The following DKK2 variants were observed in gnomAD, a reference collection of about 807,000 sequenced individuals.
DKK2 encodes the protein dickkopf-related protein 2.
In DKK2, 11 loss-of-function variants were observed where a neutral mutation model predicts 28.1. That is an observed-to-expected ratio of 0.39 (90% confidence interval 0.25 to 0.65). The LOEUF is 0.65. DKK2 is among the 30% of genes least tolerant of loss of function. The pLI, the probability that DKK2 is intolerant of heterozygous loss-of-function variation, is 0.47. For synonymous variants in DKK2, 135 were observed against 126.5 expected (o/e 1.07, Z -0.45); for missense variants, 326 against 335.5 (o/e 0.97, Z 0.22).
At chr4:106,983,337 GAAGA>G (rs1553923094) in intron 1 of DKK2, among the ~76,000 whole-genome samples, 2,038 of 120,478 alleles carry the variant, frequency 0.017, 22 homozygotes, top group South Asian at 0.027. Flanking sequence ...AGGAAGAAAG[GAAGA>G]AAGAAAGAAA....
chr4:107,015,801 A>T (rs888973561), intron 1 of DKK2, among the ~76,000 whole-genome samples: 1 of 151,776 alleles, frequency 6.6e-6, no homozygotes, highest in Non-Finnish European at 1.5e-5. Flanking sequence ...CTCTCTTAAT[A>T]CATGAATACT....
intron 1 of DKK2, among the ~76,000 whole-genome samples, chr4:107,031,778 A>G (rs1235674373): frequency 6.6e-6 from 1 of 152,018 alleles, no homozygotes; most frequent in Non-Finnish European, 1.5e-5. Flanking sequence ...CACAAATCCA[A>G]AGGTTTTTCA....
In DKK2 at chr4:106,969,622, T is replaced by C. The variant is rs951961408; in HGVS notation, c.223-43673A>G. On this transcript the variant is annotated intron_variant, in intron 1 of 3. Transcript: ENST00000285311. The stretch of plus-strand genomic sequence containing the variant: ...CTAATTTTTTTTTTGGTCCCTGGCC[T>C]GTAAACTTTGAAAGCTTTTGATATT... Among the ~76,000 whole-genome samples, 6 of 152,064 alleles carry C rather than the reference T, an allele frequency of 3.9e-5. No individual in the cohort carries two copies. In the East Asian group the frequency reaches 1.2e-3, roughly 29 times the overall value.
At chr4:107,033,147 T>C (rs1030953879) in intron 1 of DKK2, among the ~76,000 whole-genome samples, 1 of 152,240 alleles carries the variant, frequency 6.6e-6, no homozygotes, top group African/African-American at 2.4e-5. Flanking sequence ...CCTCCTGCTA[T>C]TCAACCCAGT....
At chr4:107,009,995 C>T (rs1209410648) in intron 1 of DKK2, among the ~76,000 whole-genome samples, 1 of 151,610 alleles carries the variant, frequency 6.6e-6, no homozygotes, top group Non-Finnish European at 1.5e-5. Flanking sequence ...ATTTATTTTC[C>T]TCTAGGGATC....
chr4:106,957,750 T>A (rs1578357131), intron 1 of DKK2, among the ~76,000 whole-genome samples: 1 of 89,976 alleles, frequency 1.1e-5, no homozygotes, highest in Non-Finnish European at 2.1e-5. Flanking sequence ...CTGGGGACTG[T>A]TGTGGGGTGG....
At chr4:106,948,324 A>C (rs1364896124) in intron 1 of DKK2, among the ~76,000 whole-genome samples, 1 of 152,074 alleles carries the variant, frequency 6.6e-6, no homozygotes, top group East Asian at 1.9e-4. Flanking sequence ...GGGGCCTGAA[A>C]ATCTATGTTT....
chr4:106,992,540 G>T (rs1298091762), intron 1 of DKK2, among the ~76,000 whole-genome samples: 1 of 152,164 alleles, frequency 6.6e-6, no homozygotes, highest in Non-Finnish European at 1.5e-5. Context: ...GATAGGGATT[G>T]TATATGAAAA....
intron 1 of DKK2, among the ~76,000 whole-genome samples, chr4:106,930,855 G>C (rs1724492548): frequency 6.6e-6 from 1 of 152,108 alleles, no homozygotes; most frequent in Non-Finnish European, 1.5e-5. Context: ...ATATATCTGG[G>C]GTCTCTGAGA....
chr4:106,952,552 ATGATAAGTTATAT>A (rs1300057373), intron 1 of DKK2, among the ~76,000 whole-genome samples: 2 of 152,120 alleles, frequency 1.3e-5, no homozygotes, highest in African/African-American at 4.8e-5. Flanking sequence ...CTCCTTCAAA[ATGATAAGTTATAT>A]TGATGCCAAA....
In DKK2 at chr4:107,019,492, G is replaced by A. The variant is rs191862429; in HGVS notation, c.222+15878C>T. ...TAAGTGAGGCAACATAAAATTCCTG[G>A]TATAAAGTAAGTGCTCCACAAATGT... On this transcript the variant is annotated intron_variant, in intron 1 of 3. Coordinates refer to ENST00000285311, the MANE Select transcript of DKK2 (RefSeq NM_014421.3). 1.5e-3 allele frequency among the ~76,000 whole-genome samples: 232 copies of A among 152,018 alleles called. 1 individual carries two copies. The highest frequency in any genetic ancestry group is 3.6e-3 in the Admixed American group (55 of 15,246).
chr4:106,973,853 T>A (rs1722904146), intron 1 of DKK2, among the ~76,000 whole-genome samples: 1 of 152,070 alleles, frequency 6.6e-6, no homozygotes, highest in Non-Finnish European at 1.5e-5. Flanking sequence ...TCCTCTAAGG[T>A]TTTTTATTGT....
intron 1 of DKK2, among the ~76,000 whole-genome samples, chr4:106,957,816 A>C (rs1031048197): frequency 3.4e-5 from 5 of 147,126 alleles, no homozygotes; most frequent in East Asian, 2.1e-4. Flanking sequence ...TGACGAGTTA[A>C]TGGGTGCAGC....
rs372138756 is a variant in DKK2, at chr4:107,021,112, A to G, written c.222+14258T>C. 5.9e-5 allele frequency among the ~76,000 whole-genome samples: 9 copies of G among 152,250 alleles called. 1 individual carries two copies. Among genetic ancestry groups the G allele is most frequent in the Admixed American group, 5.9e-4 (9 of 15,286 alleles). On this transcript the variant is annotated intron_variant, in intron 1 of 3. Transcript: ENST00000285311. ...CCACCTTAAAGCAATTGACATGGAA[A>G]GGTTTACAATTATAATCACAATGCT...
At chr4:106,971,913 TC>T (rs1479368421) in intron 1 of DKK2, among the ~76,000 whole-genome samples, 1 of 152,062 alleles carries the variant, frequency 6.6e-6, no homozygotes, top group Non-Finnish European at 1.5e-5. Context: ...CTAGTTGGCA[TC>T]CTCATTATTT....
intron 1 of DKK2, among the ~76,000 whole-genome samples, chr4:106,949,935 A>G (rs1214953172): frequency 6.6e-6 from 1 of 152,174 alleles, no homozygotes; most frequent in South Asian, 2.1e-4. Flanking sequence ...TAAAAAAATT[A>G]TAATAATAAT....
intron 1 of DKK2, among the ~76,000 whole-genome samples, chr4:107,002,171 T>A (rs766783700): frequency 1.3e-5 from 2 of 152,238 alleles, no homozygotes; most frequent in Non-Finnish European, 2.9e-5. Flanking sequence ...AAAAATAATC[T>A]GTCCTAAATT....
rs1723060058 is a variant in DKK2 at position 106,983,337 on chromosome 4, G to GAAGAAAGAAAGAAAGGAAGAAAGA, written c.222+52032_222+52033insTCTTTCTTCCTTTCTTTCTTTCTT. Among the ~76,000 whole-genome samples the GAAGAAAGAAAGAAAGGAAGAAAGA allele has an allele frequency of 2.6e-4, 31 of 120,432 alleles. 1 individual carries two copies. The highest frequency in any genetic ancestry group is 1.2e-4 in the Non-Finnish European group (7 of 58,712). The allele number at this position is 120,432 out of a possible 152,430, so 79.0% of individuals were successfully genotyped here. On this transcript the variant is annotated intron_variant, in intron 1 of 3. Coordinates refer to ENST00000285311, the MANE Select transcript of DKK2 (RefSeq NM_014421.3). ...AGAAAGAAGAAAGAAAGGAAGAAAG[G>GAAGAAAGAAAGAAAGGAAGAAAGA]AAGAAAGAAAGAAAGAAAGAAAGAA...
intron 1 of DKK2, among the ~76,000 whole-genome samples, chr4:106,981,616 C>T (rs1267159223): frequency 2.0e-5 from 3 of 152,092 alleles, no homozygotes; most frequent in Non-Finnish European, 2.9e-5. Flanking sequence ...CATGCTGAGC[C>T]TTTCATAGGG....
Sources: allele counts gnomAD v4.1 joint callset (sites outside exome capture counted in the v4.1 genomes callset), GRCh38; gene constraint gnomAD v4.1.1; transcripts MANE v1.5; gene names NCBI Gene and HGNC (gene_info 2026-07-23, HGNC 2026-07-21).